DCAF8: variants seen among roughly 807,000 people sequenced by gnomAD.
DCAF8 encodes DDB1 and CUL4 associated factor 8.
In DCAF8, 20 loss-of-function variants were observed where a neutral mutation model predicts 68.0. The ratio of observed to expected loss-of-function variants is 0.29; its 90% confidence interval spans 0.21 to 0.43. The LOEUF (loss-of-function observed/expected upper bound fraction) is 0.43, where lower values mean the gene tolerates loss of function less well. DCAF8 is among the 20% of genes least tolerant of loss of function. The pLI, the probability that DCAF8 is intolerant of heterozygous loss-of-function variation, is 1.00. For synonymous variants in DCAF8, 230 were observed against 276.9 expected, an observed-to-expected ratio of 0.83 and a Z score of 1.68; for missense variants, 460 against 771.0, an observed-to-expected ratio of 0.60 and a Z score of 4.78.
intron 2 of DCAF8, among the ~76,000 whole-genome samples, chr1:160,252,736 G>T (rs2101764514): frequency 6.6e-6 from 1 of 152,242 alleles, no homozygotes; most frequent in African/African-American, 2.4e-5. Context: ...AATTAAAAAG[G>T]GATCAACATG....
chr1:160,257,077 T>C (rs74125545), intron 2 of DCAF8, among the ~76,000 whole-genome samples: 2,127 of 152,306 alleles, frequency 0.014, 57 homozygotes, highest in African/African-American at 0.048. Context: ...TTGGCTACAT[T>C]TGTAAAAATA....
At chr1:160,225,491 C>T (rs369859743) in intron 8 of DCAF8, 100 bp downstream of exon 8, 7 of 917,874 alleles carry the variant, frequency 7.6e-6, no homozygotes, top group African/African-American at 6.7e-5. Flanking sequence ...AGATGACTGA[C>T]TTGAAAGTCC....
chr1:160,237,712 G>C (rs1386708905), intron 5 of DCAF8, among the ~76,000 whole-genome samples: 1 of 151,400 alleles, frequency 6.6e-6, no homozygotes, highest in Non-Finnish European at 1.5e-5. Context: ...CTTTTTTTTT[G>C]TTTGTTTTCC....
intron 6 of DCAF8, among the ~76,000 whole-genome samples, chr1:160,231,844 C>T (rs1348651608): frequency 2.6e-5 from 4 of 152,128 alleles, no homozygotes; most frequent in African/African-American, 9.7e-5. Context: ...ATCCCAGAAA[C>T]AGTAGGCTAA....
chr1:160,232,754 G>A (rs529486705), intron 6 of DCAF8, among the ~76,000 whole-genome samples: 1 of 152,260 alleles, frequency 6.6e-6, no homozygotes, highest in African/African-American at 2.4e-5. Flanking sequence ...GAAAGTTGAG[G>A]CTGCAGTGAG....
chr1:160,223,600 C>A (rs1311482691), intron 10 of DCAF8, among the ~76,000 whole-genome samples: 1 of 152,118 alleles, frequency 6.6e-6, no homozygotes, highest in Non-Finnish European at 1.5e-5. Context: ...TAAGGCCAAA[C>A]TGTTATTTTT....
intron 2 of DCAF8, among the ~76,000 whole-genome samples, chr1:160,246,141 CA>C (rs540139494): frequency 8.4e-5 from 12 of 142,612 alleles, no homozygotes; most frequent in African/African-American, 1.0e-4. Flanking sequence ...AACTCCGTCT[CA>C]AAAAAAAAAA....
At chr1:160,246,779 A>G (rs1656358398) in intron 2 of DCAF8, among the ~76,000 whole-genome samples, 1 of 152,206 alleles carries the variant, frequency 6.6e-6, no homozygotes, top group African/African-American at 2.4e-5. Context: ...CCTGGGCAAC[A>G]TAAGAAGACC....
At chr1:160,257,380 G>A (rs1299127791) in intron 2 of DCAF8, among the ~76,000 whole-genome samples, 1 of 152,024 alleles carries the variant, frequency 6.6e-6, no homozygotes, top group Non-Finnish European at 1.5e-5. Flanking sequence ...TTATAATCTG[G>A]ATATTTCCTA....
At position 160,217,536 on chromosome 1, in the gene DCAF8, T is replaced by C; in HGVS notation, c.*56A>G. On this transcript the variant is annotated 3_prime_UTR_variant, in exon 14 of 14. Coordinates refer to ENST00000368074, the MANE Select transcript of DCAF8 (RefSeq NM_015726.4). ...ATGTAGGGCCTGGGACAGGAAAGGG[T>C]TGCCCAGGCAGGATCAGGTTGGCAG... The C allele has an allele frequency of 7.5e-7, 1 of 1,340,134 alleles. No homozygotes were observed. The highest frequency in any genetic ancestry group is 1.1e-6 in the Non-Finnish European group (1 of 948,132). The allele number at this position is 1,340,134 out of a possible 1,614,324, so 83.0% of individuals were successfully genotyped here. A position where few individuals can be genotyped will look rare whatever the true frequency, so the allele number is the denominator to read the frequency against.
chr1:160,229,245 G>C (rs544641391), intron 7 of DCAF8, among the ~76,000 whole-genome samples: 5 of 151,760 alleles, frequency 3.3e-5, no homozygotes, highest in African/African-American at 1.2e-4. Context: ...GCAGTGAGCC[G>C]AGATCGAGCC....
chr1:160,232,263 T>TATA (rs1439437835), intron 6 of DCAF8, among the ~76,000 whole-genome samples: 1 of 151,506 alleles, frequency 6.6e-6, no homozygotes, highest in Non-Finnish European at 1.5e-5. Flanking sequence ...CTCATGCCTA[T>TATA]AATCCCAGCA....
At chr1:160,230,729 G>C (rs1655649393) in intron 7 of DCAF8, among the ~76,000 whole-genome samples, 1 of 151,928 alleles carries the variant, frequency 6.6e-6, no homozygotes, top group South Asian at 2.1e-4. Context: ...GCCACGTGAG[G>C]ACCTTGGTCA....
chr1:160,231,478 A>G, intron 6 of DCAF8, 71 bp from the exon 7 acceptor site: 1 of 1,090,012 alleles, frequency 9.2e-7, no homozygotes, highest in Non-Finnish European at 1.4e-6. Context: ...AAGGAGAGCC[A>G]AGAGAGTCAC....
chr1:160,232,327 C>A (rs1655720255), intron 6 of DCAF8, among the ~76,000 whole-genome samples: 1 of 151,980 alleles, frequency 6.6e-6, no homozygotes, highest in Non-Finnish European at 1.5e-5. Flanking sequence ...GGCAACATAG[C>A]AAGACCCCAT....
chr1:160,248,660 G>A (rs370565412), intron 2 of DCAF8, among the ~76,000 whole-genome samples: 1 of 149,240 alleles, frequency 6.7e-6, no homozygotes, highest in Non-Finnish European at 1.5e-5. Context: ...CTGCGATCGC[G>A]CCACTGCACT....
chr1:160,256,477 G>A (rs1328199925), intron 2 of DCAF8, among the ~76,000 whole-genome samples: 1 of 152,044 alleles, frequency 6.6e-6, no homozygotes, highest in Non-Finnish European at 1.5e-5. Context: ...ACCTGGTAAT[G>A]TGGCAATCAT....
chr1:160,254,985 C>G (rs945919623), intron 2 of DCAF8, among the ~76,000 whole-genome samples: 1 of 152,100 alleles, frequency 6.6e-6, no homozygotes, highest in African/African-American at 2.4e-5. Flanking sequence ...ATGCTAAGAG[C>G]CTGTTTGTAC....
At chr1:160,256,165 T>C (rs926860149) in intron 2 of DCAF8, among the ~76,000 whole-genome samples, 2 of 152,040 alleles carry the variant, frequency 1.3e-5, no homozygotes, top group African/African-American at 2.4e-5. Flanking sequence ...GAGAACTTTC[T>C]ATAAAAACAT....
Sources: allele counts gnomAD v4.1 joint callset (sites outside exome capture counted in the v4.1 genomes callset), GRCh38; gene constraint gnomAD v4.1.1; transcripts MANE v1.5; gene names NCBI Gene and HGNC (gene_info 2026-07-23, HGNC 2026-07-21).